RBMS3: variants seen among roughly 807,000 people sequenced by gnomAD.
The protein encoded by RBMS3 is RNA binding motif single stranded interacting protein 3, also known as RNA-binding motif, single-stranded-interacting protein 3.
A neutral mutation model predicts 66.8 loss-of-function variants in RBMS3; 27 were observed. The observed-to-expected ratio is 0.40, with a 90% CI of 0.30 to 0.56. The LOEUF (loss-of-function observed/expected upper bound fraction) is 0.56, where lower values mean the gene tolerates loss of function less well. RBMS3 is among the 20% of genes least tolerant of loss of function. The pLI, the probability that RBMS3 is intolerant of heterozygous loss-of-function variation, is 0.40. For synonymous variants in RBMS3, 188 were observed against 183.0 expected (o/e 1.03, Z -0.22); for missense variants, 513 against 549.5 (o/e 0.93, Z 0.66).
At chr3:29,356,456 T>A (rs1228619407) in intron 1 of RBMS3, among the ~76,000 whole-genome samples, 1 of 152,188 alleles carries the variant, frequency 6.6e-6, no homozygotes, top group Non-Finnish European at 1.5e-5. Context: ...GAATAAATAG[T>A]AGTATCTTTT....
intron 6 of RBMS3, among the ~76,000 whole-genome samples, chr3:29,775,814 T>C (rs970762304): frequency 1.3e-5 from 2 of 152,036 alleles, no homozygotes; most frequent in Non-Finnish European, 2.9e-5. Flanking sequence ...GAACACTGTA[T>C]ATTATTAGTG....
At chr3:29,590,679 A>AG (rs1293871773) in intron 4 of RBMS3, among the ~76,000 whole-genome samples, 2 of 152,110 alleles carry the variant, frequency 1.3e-5, no homozygotes, top group Non-Finnish European at 1.5e-5. Context: ...CAGGATATAG[A>AG]GAAAAAACTT....
chr3:29,600,272 C>A (rs549805716), intron 4 of RBMS3, among the ~76,000 whole-genome samples: 11 of 152,082 alleles, frequency 7.2e-5, no homozygotes, highest in African/African-American at 2.7e-4. Flanking sequence ...GGAGCTGGGG[C>A]CTAGTTGGAG....
chr3:29,846,842 T>G (rs2058792452), intron 6 of RBMS3, among the ~76,000 whole-genome samples: 1 of 152,206 alleles, frequency 6.6e-6, no homozygotes, highest in African/African-American at 2.4e-5. Flanking sequence ...GAGGAATTTT[T>G]ACTAATAATA....
At chr3:29,990,460 C>CAAAAA (rs10596526) in intron 13 of RBMS3, among the ~76,000 whole-genome samples, 17 of 106,512 alleles carry the variant, frequency 1.6e-4, no homozygotes, top group South Asian at 2.8e-4. Context: ...CTGTGAGAAA[C>CAAAAA]AAAAAAAAAA....
chr3:29,680,597 G>T (rs886463556), intron 4 of RBMS3, among the ~76,000 whole-genome samples: 8 of 152,128 alleles, frequency 5.3e-5, no homozygotes, highest in African/African-American at 1.9e-4. Flanking sequence ...GGCATATATT[G>T]TAAAATTTCC....
intron 3 of RBMS3, among the ~76,000 whole-genome samples, chr3:29,562,437 A>G (rs972267733): frequency 2.0e-5 from 3 of 152,166 alleles, no homozygotes; most frequent in Non-Finnish European, 4.4e-5. Context: ...AGTGCTGACC[A>G]AAGAGATCAC....
At chr3:29,982,274 C>T (rs1036324446) in intron 12 of RBMS3, among the ~76,000 whole-genome samples, 1 of 152,084 alleles carries the variant, frequency 6.6e-6, no homozygotes, top group Non-Finnish European at 1.5e-5. Flanking sequence ...GTGATATCCC[C>T]TTTATTATTT....
chr3:29,902,019 T>G (rs2060266721), intron 10 of RBMS3, among the ~76,000 whole-genome samples: 2 of 151,930 alleles, frequency 1.3e-5, no homozygotes, highest in South Asian at 4.1e-4. Context: ...ATAAAAATAT[T>G]CAAGCCATCT....
chr3:29,952,525 T>G (rs940317100), intron 12 of RBMS3, among the ~76,000 whole-genome samples: 2 of 151,894 alleles, frequency 1.3e-5, no homozygotes, highest in African/African-American at 2.4e-5. Flanking sequence ...TATAATACAC[T>G]TTTAATTACA....
intron 8 of RBMS3, among the ~76,000 whole-genome samples, chr3:29,886,578 G>A (rs2059876366): frequency 6.6e-6 from 1 of 151,886 alleles, no homozygotes; most frequent in South Asian, 2.1e-4. Flanking sequence ...AGATTAACAA[G>A]CCAACAAGTT....
At chr3:29,594,636 TA>T (rs2047879083) in intron 4 of RBMS3, among the ~76,000 whole-genome samples, 1 of 152,196 alleles carries the variant, frequency 6.6e-6, no homozygotes, top group East Asian at 1.9e-4. Flanking sequence ...AAATTTTCTG[TA>T]AAAGAAATAC....
At chr3:29,794,202 C>T (rs2057102701) in intron 6 of RBMS3, among the ~76,000 whole-genome samples, 2 of 152,140 alleles carry the variant, frequency 1.3e-5, no homozygotes, top group Admixed American at 6.5e-5. Context: ...CCTACTACAC[C>T]ATTGGACCCT....
intron 3 of RBMS3, among the ~76,000 whole-genome samples, chr3:29,515,225 A>G (rs575581535): frequency 1.3e-5 from 2 of 152,340 alleles, no homozygotes; most frequent in African/African-American, 2.4e-5. Context: ...TCTAGCAGGG[A>G]TAGCAGGAAA....
intron 6 of RBMS3, among the ~76,000 whole-genome samples, chr3:29,831,880 A>T (rs9857799): frequency 0.13 from 19,236 of 151,844 alleles, 1,487 homozygotes; most frequent in African/African-American, 0.22. Context: ...ATAAAAAAAA[A>T]TAACATGGGA....
At chr3:29,911,357 C>T (rs1376113732) in intron 10 of RBMS3, among the ~76,000 whole-genome samples, 1 of 152,050 alleles carries the variant, frequency 6.6e-6, no homozygotes, top group Non-Finnish European at 1.5e-5. Flanking sequence ...ATATGCATGA[C>T]ATTTGTGTGC....
chr3:29,505,723 C>T (rs1426955854), intron 3 of RBMS3, among the ~76,000 whole-genome samples: 1 of 150,602 alleles, frequency 6.6e-6, no homozygotes, highest in East Asian at 2.0e-4. Flanking sequence ...AGACATGTTT[C>T]CATTTATTTG....
chr3:29,399,697 T>C (rs1403964493), intron 1 of RBMS3, among the ~76,000 whole-genome samples: 1 of 114,996 alleles, frequency 8.7e-6, no homozygotes, highest in Non-Finnish European at 1.8e-5. Flanking sequence ...TCTATTACCT[T>C]GATTAGAAAA....
intron 4 of RBMS3, among the ~76,000 whole-genome samples, chr3:29,650,039 G>T (rs1175896314): frequency 1.3e-5 from 2 of 152,120 alleles, no homozygotes; most frequent in Non-Finnish European, 2.9e-5. Context: ...GAGCAAGTCA[G>T]GAAGATCAAC....
Sources: allele counts gnomAD v4.1 joint callset (sites outside exome capture counted in the v4.1 genomes callset), GRCh38; gene constraint gnomAD v4.1.1; transcripts MANE v1.5; gene names NCBI Gene and HGNC (gene_info 2026-07-23, HGNC 2026-07-21).